FAT3: variants seen among roughly 807,000 people sequenced by gnomAD.
FAT3 encodes the protein FAT atypical cadherin 3, also known as protocadherin Fat 3.
In FAT3, 95 loss-of-function variants were observed where a neutral mutation model predicts 310.2. That is an observed-to-expected ratio of 0.31 (90% confidence interval 0.26 to 0.36). The LOEUF is 0.36. Ranked by LOEUF, FAT3 falls within the 10% of genes least tolerant of loss-of-function variation. The pLI, the probability that FAT3 is intolerant of heterozygous loss-of-function variation, is 1.00. For synonymous variants in FAT3, 2,314 were observed against 2,192.9 expected (o/e 1.06, Z -1.54); for missense variants, 5,408 against 5,715.6 (o/e 0.95, Z 1.74).
At chr11:92,753,794 G>GTA (rs1368402484) in intron 4 of FAT3, among the ~76,000 whole-genome samples, 2 of 103,872 alleles carry the variant, frequency 1.9e-5, no homozygotes, top group African/African-American at 9.8e-5. Flanking sequence ...GTGTGTGTGT[G>GTA]TGTGTATATA....
intron 19 of FAT3, among the ~76,000 whole-genome samples, chr11:92,855,994 T>TG (rs1948967599): frequency 1.3e-5 from 2 of 151,356 alleles, no homozygotes; most frequent in African/African-American, 2.4e-5. Flanking sequence ...TTTTTTTTTT[T>TG]TTTTGAGACA....
intron 4 of FAT3, among the ~76,000 whole-genome samples, chr11:92,718,167 T>C (rs937635305): frequency 6.6e-6 from 1 of 152,156 alleles, no homozygotes; most frequent in Non-Finnish European, 1.5e-5. Context: ...CATGATGTGG[T>C]CACTCCCTAG....
chr11:92,858,336 C>T (rs776866996), intron 20 of FAT3, among the ~76,000 whole-genome samples: 5 of 152,204 alleles, frequency 3.3e-5, no homozygotes, highest in Non-Finnish European at 7.3e-5. Flanking sequence ...GCACTGTGCA[C>T]ATAGCAGGTG....
intron 1 of FAT3, among the ~76,000 whole-genome samples, chr11:92,267,964 T>C (rs1038126448): frequency 2.0e-5 from 3 of 151,808 alleles, no homozygotes; most frequent in African/African-American, 7.3e-5. Context: ...TTACTGAAAA[T>C]TGAGGTTTTT....
chr11:92,542,396 C>T (rs997582498), intron 3 of FAT3, among the ~76,000 whole-genome samples: 1 of 151,616 alleles, frequency 6.6e-6, no homozygotes, highest in South Asian at 2.1e-4. Flanking sequence ...AAAAAGAAAA[C>T]TTAAAGAATG....
chr11:92,655,711 T>G (rs1055514952), intron 3 of FAT3, among the ~76,000 whole-genome samples: 3 of 152,182 alleles, frequency 2.0e-5, no homozygotes, highest in African/African-American at 7.2e-5. Flanking sequence ...GCCTTGAATA[T>G]GGCTCTTACC....
intron 5 of FAT3, among the ~76,000 whole-genome samples, chr11:92,763,896 T>A (rs1946230296): frequency 6.6e-6 from 1 of 152,198 alleles, no homozygotes; most frequent in African/African-American, 2.4e-5. Flanking sequence ...AGGGAGTTTC[T>A]AGGGCAAAGC....
chr11:92,502,003 T>C (rs1285697337), intron 2 of FAT3, among the ~76,000 whole-genome samples: 1 of 152,024 alleles, frequency 6.6e-6, no homozygotes, highest in African/African-American at 2.4e-5. Context: ...CTGTCTCTAA[T>C]AGGCTGTCAA....
chr11:92,515,062 G>A (rs1953433212), intron 2 of FAT3, among the ~76,000 whole-genome samples: 1 of 152,162 alleles, frequency 6.6e-6, no homozygotes, highest in East Asian at 1.9e-4. Flanking sequence ...GTCTGAGGGA[G>A]GCTAATGAAT....
chr11:92,857,079 T>C (rs776610429), intron 19 of FAT3, 135 bp from the exon 20 acceptor site: 22 of 1,293,876 alleles, frequency 1.7e-5, no homozygotes, highest in Non-Finnish European at 5.4e-6. Context: ...GTGGCATCTT[T>C]GTGACTCAGC....
chr11:92,571,390 A>G (rs902325185), intron 3 of FAT3, among the ~76,000 whole-genome samples: 1 of 152,110 alleles, frequency 6.6e-6, no homozygotes, highest in Non-Finnish European at 1.5e-5. Context: ...AATTAGTGAC[A>G]AGCAGCAGCT....
At chr11:92,764,834 A>G in intron 5 of FAT3, 45 bp from the exon 6 acceptor site, 1 of 1,567,290 alleles carries the variant, frequency 6.4e-7, no homozygotes, top group Non-Finnish European at 8.7e-7. Context: ...CTCTACAACA[A>G]TCAGAGGTCT....
At chr11:92,570,112 T>A (rs1565421353) in intron 3 of FAT3, among the ~76,000 whole-genome samples, 1 of 152,184 alleles carries the variant, frequency 6.6e-6, no homozygotes, top group South Asian at 2.1e-4. Flanking sequence ...GCAATGGCTG[T>A]TGAGTAAAGA....
In FAT3 at chr11:92,326,975, G is replaced by A. The variant is rs528003638; in HGVS notation, c.-17-25121G>A. Among the ~76,000 whole-genome samples, 6 of 152,242 alleles carry A rather than the reference G, an allele frequency of 3.9e-5. No individual in the cohort carries two copies. In the South Asian group the frequency reaches 8.3e-4, roughly 21 times the overall value. ...TTTATCCTACTATTGCACTTGAGAG[G>A]CAACTTGAAGTTTCCTTTCCTTTAC... On this transcript the variant is annotated intron_variant, in intron 1 of 27. Coordinates refer to ENST00000525166, the MANE Select transcript of FAT3 (RefSeq NM_001367949.2).
At chr11:92,330,545 G>A (rs1165823109) in intron 1 of FAT3, among the ~76,000 whole-genome samples, 1 of 152,214 alleles carries the variant, frequency 6.6e-6, no homozygotes, top group Non-Finnish European at 1.5e-5. Flanking sequence ...AGCAAAGTCA[G>A]AGAGTTTAAG....
At chr11:92,634,090 C>T (rs368935060) in intron 3 of FAT3, among the ~76,000 whole-genome samples, 6 of 152,190 alleles carry the variant, frequency 3.9e-5, no homozygotes, top group Middle Eastern at 3.4e-3. Flanking sequence ...TTATAAGCAG[C>T]GATCTTCTAG....
At chr11:92,557,788 T>A (rs888405818) in intron 3 of FAT3, among the ~76,000 whole-genome samples, 1 of 152,228 alleles carries the variant, frequency 6.6e-6, no homozygotes, top group African/African-American at 2.4e-5. Flanking sequence ...TGTCTTAAAA[T>A]GTCCTGAAAT....
intron 2 of FAT3, among the ~76,000 whole-genome samples, chr11:92,467,995 G>A (rs1282245010): frequency 6.6e-6 from 1 of 152,226 alleles, no homozygotes; most frequent in African/African-American, 2.4e-5. Flanking sequence ...TATAACATAT[G>A]CATGACATTC....
intron 3 of FAT3, among the ~76,000 whole-genome samples, chr11:92,539,053 C>A (rs1374431542): frequency 6.6e-6 from 1 of 152,124 alleles, no homozygotes; most frequent in Non-Finnish European, 1.5e-5. Flanking sequence ...AAGTAAATTT[C>A]TCTTCTTTGT....
Sources: gnomAD v4.1 joint callset for allele counts (sites outside exome capture counted in the v4.1 genomes callset) on GRCh38, gnomAD v4.1.1 for gene constraint, MANE v1.5 for transcripts, NCBI Gene and HGNC (gene_info 2026-07-23, HGNC 2026-07-21) for gene names.